The following BNC2 variants were observed in gnomAD, a reference collection of about 807,000 sequenced individuals.
BNC2 encodes zinc finger protein basonuclin-2.
BNC2 carries 20 observed loss-of-function variants against 76.3 expected under a neutral mutation model. That is an observed-to-expected ratio of 0.26 (90% CI 0.18 to 0.38). The LOEUF is 0.38. Among genes scored for constraint, BNC2 ranks in the 10% least tolerant of loss-of-function variants. The pLI is 1.00. For synonymous variants in BNC2, 582 were observed against 514.8 expected (o/e 1.13, Z -1.77); for missense variants, 1,382 against 1,399.8 (o/e 0.99, Z 0.20).
At chr9:16,501,907 G>T (rs569834548) in intron 5 of BNC2, among the ~76,000 whole-genome samples, 2 of 152,298 alleles carry the variant, frequency 1.3e-5, no homozygotes, top group African/African-American at 4.8e-5. Flanking sequence ...AAAGAACAGA[G>T]AATAAGTGAC....
intron 1 of BNC2, among the ~76,000 whole-genome samples, chr9:16,803,220 C>T (rs1203490936): frequency 1.3e-5 from 2 of 152,182 alleles, no homozygotes; most frequent in African/African-American, 4.8e-5. Context: ...GCTGCCATTT[C>T]AAAAATCATC....
chr9:16,473,552 C>G (rs990433013), intron 5 of BNC2, among the ~76,000 whole-genome samples: 5 of 152,186 alleles, frequency 3.3e-5, no homozygotes, highest in African/African-American at 1.2e-4. Context: ...TTAAAGTATT[C>G]AAATTCCATT....
chr9:16,869,767 G>A (rs751044662), intron 1 of BNC2, among the ~76,000 whole-genome samples: 1 of 152,194 alleles, frequency 6.6e-6, no homozygotes, highest in Non-Finnish European at 1.5e-5. Context: ...GCTTCTCGTA[G>A]AGGGGCTGTG....
At chr9:16,587,891 A>C (rs1353748180) in intron 3 of BNC2, among the ~76,000 whole-genome samples, 3 of 152,056 alleles carry the variant, frequency 2.0e-5, no homozygotes, top group Non-Finnish European at 4.4e-5. Flanking sequence ...TCCCCACTAG[A>C]CTTCTGTATC....
chr9:16,497,892 C>T (rs1297296589), intron 5 of BNC2, among the ~76,000 whole-genome samples: 2 of 151,404 alleles, frequency 1.3e-5, no homozygotes, highest in Non-Finnish European at 2.9e-5. Flanking sequence ...CTTGTACATG[C>T]ATGTTTACAG....
intron 3 of BNC2, among the ~76,000 whole-genome samples, chr9:16,692,217 T>C (rs1016318614): frequency 1.2e-4 from 19 of 152,204 alleles, no homozygotes; most frequent in Non-Finnish European, 2.2e-4. Context: ...GGTTGTTGCT[T>C]ATGGGCAAAT....
intron 5 of BNC2, among the ~76,000 whole-genome samples, chr9:16,443,492 A>C (rs948922229): frequency 2.0e-5 from 3 of 152,080 alleles, no homozygotes; most frequent in African/African-American, 7.3e-5. Flanking sequence ...TTTCAAGCCT[A>C]CCTAGCTTAA....
At chr9:16,766,872 C>T (rs1211156222) in intron 1 of BNC2, among the ~76,000 whole-genome samples, 1 of 151,914 alleles carries the variant, frequency 6.6e-6, no homozygotes, top group Non-Finnish European at 1.5e-5. Context: ...TGGAGGTTGC[C>T]CTCCCCACAC....
At chr9:16,556,645 G>C (rs1818841863) in intron 4 of BNC2, among the ~76,000 whole-genome samples, 1 of 141,718 alleles carries the variant, frequency 7.1e-6, no homozygotes, top group South Asian at 2.1e-4. Context: ...GTGCGCGCCT[G>C]TAGTCCCAGT....
chr9:16,500,876 T>C (rs1381950179), intron 5 of BNC2, among the ~76,000 whole-genome samples: 6 of 152,206 alleles, frequency 3.9e-5, no homozygotes, highest in Admixed American at 3.9e-4. Flanking sequence ...TTGTCTAATG[T>C]CTCACAACTA....
Position 16,771,485 on chromosome 9 carries a change from T to C in BNC2, c.4-33000A>G, listed in dbSNP as rs370557221. On this transcript the variant is annotated intron_variant, in intron 1 of 6. Transcript: ENST00000380672. Reference sequence around the variant, plus strand: ...GCACCCAAGGTTTGGTTTTAAGATATGTGTTCATTTTCATCCAAGAGGCAG... The same window carrying C: ...GCACCCAAGGTTTGGTTTTAAGATACGTGTTCATTTTCATCCAAGAGGCAG... Among the ~76,000 whole-genome samples, 6 of 152,344 alleles carry C rather than the reference T, an allele frequency of 3.9e-5. No individual in the cohort carries two copies. The South Asian group carries it at 8.3e-4, about 21-fold the overall frequency.
chr9:16,766,005 T>A (rs1000138041), intron 1 of BNC2, among the ~76,000 whole-genome samples: 9 of 152,106 alleles, frequency 5.9e-5, no homozygotes, highest in East Asian at 1.9e-4. Flanking sequence ...GCCAGGATGT[T>A]CTCGATCTCC....
chr9:16,469,204 TC>T (rs61022457), intron 5 of BNC2, among the ~76,000 whole-genome samples: 73,908 of 151,904 alleles, frequency 0.49, 18,473 homozygotes, highest in African/African-American at 0.6. Flanking sequence ...GTGAACATGC[TC>T]TCAAACAGTA....
intron 3 of BNC2, among the ~76,000 whole-genome samples, chr9:16,600,176 G>A (rs369029969): frequency 2.5e-4 from 38 of 152,190 alleles, no homozygotes; most frequent in African/African-American, 8.9e-4. Flanking sequence ...AAGTTTGTGA[G>A]ATGGCTGTTT....
intron 1 of BNC2, among the ~76,000 whole-genome samples, chr9:16,804,866 AGCCTGGC>A (rs1817866149): frequency 6.6e-6 from 1 of 152,106 alleles, no homozygotes; most frequent in South Asian, 2.1e-4. Context: ...GTTTGAGACC[AGCCTGGC>A]CAATACAGTG....
rs1194360574 is a variant in BNC2 at position 16,410,828 on chromosome 9, A to C, written c.*8161T>G. 6.6e-6 allele frequency: 1 copy of C among 152,204 alleles called. No homozygotes were observed. The highest frequency in any genetic ancestry group is 1.9e-4 in the East Asian group (1 of 5,190). The allele number at this position is 152,204 out of a possible 1,614,324, so 9.4% of individuals were successfully genotyped here. A position where few individuals can be genotyped will look rare whatever the true frequency, so the allele number is the denominator to read the frequency against. The stretch of plus-strand genomic sequence containing the variant: ...GAGGAATGGATTACTCTGTACAAAA[A>C]CATGCAAAAATACTCCAAATTGGGG... On this transcript the variant is annotated 3_prime_UTR_variant, in exon 7 of 7. Transcript: ENST00000380672.
chr9:16,450,377 G>C (rs1821315976), intron 5 of BNC2, among the ~76,000 whole-genome samples: 1 of 152,160 alleles, frequency 6.6e-6, no homozygotes. Context: ...AGATTATCAG[G>C]TAAATAAATG....
intron 5 of BNC2, among the ~76,000 whole-genome samples, chr9:16,458,756 T>C (rs1389185770): frequency 2.0e-5 from 3 of 152,200 alleles, no homozygotes; most frequent in African/African-American, 7.2e-5. Context: ...AAGTAACAAC[T>C]ACTGTTTACT....
At chr9:16,570,068 C>T (rs920880448) in intron 4 of BNC2, among the ~76,000 whole-genome samples, 31 of 152,126 alleles carry the variant, frequency 2.0e-4, no homozygotes, top group African/African-American at 7.2e-4. Flanking sequence ...AATAATCACC[C>T]TACCCCCCAG....
Sources: allele counts gnomAD v4.1 joint callset (sites outside exome capture counted in the v4.1 genomes callset), GRCh38; gene constraint gnomAD v4.1.1; transcripts MANE v1.5; gene names NCBI Gene and HGNC (gene_info 2026-07-23, HGNC 2026-07-21).